Variants in PPP4R4 observed in about 807,000 individuals in gnomAD.
PPP4R4 encodes the protein protein phosphatase 4 regulatory subunit 4.
PPP4R4 carries 70 observed loss-of-function variants against 121.8 expected under a neutral mutation model. That is an observed-to-expected ratio of 0.57 (90% CI 0.47 to 0.70). The LOEUF (loss-of-function observed/expected upper bound fraction) is 0.70, where lower values mean the gene tolerates loss of function less well. PPP4R4 is among the 30% of genes least tolerant of loss of function. The pLI is 0.00. For missense variants in PPP4R4, 875 were observed against 1,033.6 expected, an observed-to-expected ratio of 0.85 and a Z score of 2.10; for synonymous variants, 348 against 355.7, an observed-to-expected ratio of 0.98 and a Z score of 0.24.
At chr14:94,223,538 C>A (rs890474261) in intron 3 of PPP4R4, among the ~76,000 whole-genome samples, 2 of 152,144 alleles carry the variant, frequency 1.3e-5, no homozygotes, top group African/African-American at 2.4e-5. Context: ...TCCCTCAAGA[C>A]CCTCTTCTAG....
chr14:94,192,311 T>A (rs530220582), intron 2 of PPP4R4, among the ~76,000 whole-genome samples: 1 of 152,264 alleles, frequency 6.6e-6, no homozygotes, highest in East Asian at 1.9e-4. Context: ...ATGTTAGGGA[T>A]TGGTATTCAA....
At chr14:94,242,868 GA>G (rs566993256) in intron 11 of PPP4R4, among the ~76,000 whole-genome samples, 15 of 152,136 alleles carry the variant, frequency 9.9e-5, no homozygotes, top group Non-Finnish European at 1.9e-4. Context: ...TATAAAGTAA[GA>G]GCAAAAATAA....
At chr14:94,231,348 T>C in intron 5 of PPP4R4, 33 bp downstream of exon 5, 1 of 1,519,820 alleles carries the variant, frequency 6.6e-7, no homozygotes, top group Non-Finnish European at 9.1e-7. Context: ...TACTAATAAG[T>C]AAGTCACTCT....
At chr14:94,264,787 T>A in intron 19 of PPP4R4, 91 bp from the exon 20 acceptor site, 1 of 974,322 alleles carries the variant, frequency 1.0e-6, no homozygotes, top group Non-Finnish European at 1.6e-6. Context: ...TTTATGAACT[T>A]TACTTGAATC....
At chr14:94,180,009 C>G (rs772096308) in intron 2 of PPP4R4, among the ~76,000 whole-genome samples, 2 of 152,278 alleles carry the variant, frequency 1.3e-5, no homozygotes, top group Non-Finnish European at 2.9e-5. Context: ...AATTTATTAT[C>G]TATGTGACAG....
At chr14:94,214,834 A>G (rs947401884) in intron 3 of PPP4R4, among the ~76,000 whole-genome samples, 1 of 152,186 alleles carries the variant, frequency 6.6e-6, no homozygotes, top group Non-Finnish European at 1.5e-5. Flanking sequence ...TACAAGTAGA[A>G]AATTCCCCAT....
chr14:94,246,183 C>A (rs1164175193), intron 13 of PPP4R4, among the ~76,000 whole-genome samples, 174 bp from the exon 14 acceptor site: 1 of 152,094 alleles, frequency 6.6e-6, no homozygotes, highest in Non-Finnish European at 1.5e-5. Context: ...TTAATGATTT[C>A]TTTTAAAAGT....
chr14:94,180,387 T>C (rs1245035474), intron 2 of PPP4R4, among the ~76,000 whole-genome samples: 1 of 152,182 alleles, frequency 6.6e-6, no homozygotes, highest in Non-Finnish European at 1.5e-5. Flanking sequence ...AAGGTCAGCC[T>C]GTTGATTTAT....
chr14:94,217,930 G>T (rs1891117161), intron 3 of PPP4R4, among the ~76,000 whole-genome samples: 1 of 152,154 alleles, frequency 6.6e-6, no homozygotes, highest in East Asian at 1.9e-4. Context: ...GGAGGCGGAG[G>T]TTGCGGTGAG....
chr14:94,206,390 C>T (rs1451144488), intron 2 of PPP4R4, among the ~76,000 whole-genome samples: 3 of 151,850 alleles, frequency 2.0e-5, no homozygotes, highest in Non-Finnish European at 4.4e-5. Flanking sequence ...AGTATATAGT[C>T]GAATCATTTT....
Position 94,277,027 on chromosome 14 carries a change from A to G in PPP4R4, c.2597+1506A>G, listed in dbSNP as rs75034768. Among the ~76,000 whole-genome samples the G allele has an allele frequency of 3.0e-3, 463 of 152,286 alleles. 2 individuals are homozygous for G. The highest frequency in any genetic ancestry group is 0.011 in the African/African-American group (448 of 41,554). Reference sequence around the variant, plus strand: ...TAAAAGTCATGAAAGTGCCAGGTGCAGTGGCTCACGCCTGTAATCCCAGCA... The same window carrying G: ...TAAAAGTCATGAAAGTGCCAGGTGCGGTGGCTCACGCCTGTAATCCCAGCA... On this transcript the variant is annotated intron_variant, in intron 24 of 24. Coordinates refer to ENST00000304338, the MANE Select transcript of PPP4R4 (RefSeq NM_058237.2).
At chr14:94,181,042 T>C (rs930284065) in intron 2 of PPP4R4, among the ~76,000 whole-genome samples, 2 of 152,170 alleles carry the variant, frequency 1.3e-5, no homozygotes, top group African/African-American at 4.8e-5. Flanking sequence ...AGCTTTTGGT[T>C]GTTTTTCTTT....
intron 19 of PPP4R4, 115 bp downstream of exon 19, chr14:94,259,484 C>T: frequency 7.7e-7 from 1 of 1,302,502 alleles, no homozygotes; most frequent in Non-Finnish European, 9.9e-7. Context: ...CTTTTTTCTT[C>T]TTAAATGATA....
At chr14:94,184,987 G>T (rs1056259672) in intron 2 of PPP4R4, among the ~76,000 whole-genome samples, 1 of 152,166 alleles carries the variant, frequency 6.6e-6, no homozygotes, top group Non-Finnish European at 1.5e-5. Flanking sequence ...GCAGATACTT[G>T]TATTCAAGGA....
chr14:94,246,525 A>C lies in PPP4R4; in HGVS notation c.1597A>C (p.Ile533Leu), dbSNP rs770697660. 1 of 1,612,760 alleles carries C rather than the reference A, an allele frequency of 6.2e-7. No homozygotes were observed. The highest frequency in any genetic ancestry group is 8.5e-7 in the Non-Finnish European group (1 of 1,179,158). Residue 533 changes from isoleucine to leucine, a missense_variant, in exon 14 of 25, where the codon ATC becomes CTC. Coordinates refer to ENST00000304338, the MANE Select transcript of PPP4R4 (RefSeq NM_058237.2). ...YYRFLQRMFTIMMTNNVLPVQ... is the reference protein window; with the variant it reads ...YYRFLQRMFTLMMTNNVLPVQ... The stretch of plus-strand genomic sequence containing the variant: ...CCGTTTCTTACAAAGAATGTTCACA[A>C]TCATGATGACAAATGTGAGCTCAGT...
At chr14:94,208,244 TA>T (rs1289063511) in intron 2 of PPP4R4, among the ~76,000 whole-genome samples, 1 of 152,080 alleles carries the variant, frequency 6.6e-6, no homozygotes, top group Admixed American at 6.6e-5. Flanking sequence ...AGCACAAGCA[TA>T]ATTAATATCT....
intron 2 of PPP4R4, among the ~76,000 whole-genome samples, chr14:94,184,464 G>T (rs1227728857): frequency 6.6e-6 from 1 of 151,938 alleles, no homozygotes; most frequent in African/African-American, 2.4e-5. Context: ...TTGCTCTATT[G>T]CCCAGTCTTG....
At chr14:94,277,284 A>G (rs1203215982) in intron 24 of PPP4R4, among the ~76,000 whole-genome samples, 1 of 152,210 alleles carries the variant, frequency 6.6e-6, no homozygotes, top group Non-Finnish European at 1.5e-5. Flanking sequence ...CTGGGCAACA[A>G]GAGTGAAACT....
At chr14:94,260,452 A>C (rs1358728364) in intron 19 of PPP4R4, among the ~76,000 whole-genome samples, 1 of 151,824 alleles carries the variant, frequency 6.6e-6, no homozygotes, top group East Asian at 1.9e-4. Flanking sequence ...AAACAAAAAA[A>C]CCTGCTTTCA....
Sources: allele counts gnomAD v4.1 joint callset (sites outside exome capture counted in the v4.1 genomes callset), GRCh38; gene constraint gnomAD v4.1.1; transcripts MANE v1.5; gene names NCBI Gene and HGNC (gene_info 2026-07-23, HGNC 2026-07-21).